CENPU: variants seen among roughly 807,000 people sequenced by gnomAD.
CENPU encodes KSHV latent nuclear antigen interacting protein 1.
CENPU carries 46 observed loss-of-function variants against 56.7 expected under a neutral mutation model. The observed-to-expected ratio is 0.81, with a 90% CI of 0.64 to 1.04. The LOEUF is 1.04. Among genes scored for constraint, CENPU ranks in the 50% least tolerant of loss-of-function variants. The pLI is 0.00. For synonymous variants in CENPU, 166 were observed against 163.0 expected, an observed-to-expected ratio of 1.02 and a Z score of -0.14; for missense variants, 510 against 490.1, an observed-to-expected ratio of 1.04 and a Z score of -0.38.
At chr4:184,725,704 G>A (rs1412795333) in intron 3 of CENPU, among the ~76,000 whole-genome samples, 1 of 152,164 alleles carries the variant, frequency 6.6e-6, no homozygotes, top group African/African-American at 2.4e-5. Context: ...TGAATGAAAA[G>A]CCCTTTGGGG....
rs147850756 is a variant in CENPU at position 184,717,248 on chromosome 4, CAT to C, written c.321-54_321-53del. On this transcript the variant is annotated intron_variant, in intron 4 of 12. Coordinates refer to ENST00000281453, the MANE Select transcript of CENPU (RefSeq NM_024629.4). ...CTTGTACACATTCCATTTATATTCA[CAT>C]GTCTTCTCTAACTTGCTCATTCAAC... 2,418 of 1,310,930 alleles carry C rather than the reference CAT, an allele frequency of 1.8e-3. 25 individuals carry two copies. The African/African-American group carries it at 0.028, about 15-fold the overall frequency. The allele number at this position is 1,310,930 out of a possible 1,614,324, so 81.2% of individuals were successfully genotyped here.
chr4:184,711,159 A>G (rs1316932513), intron 7 of CENPU, among the ~76,000 whole-genome samples: 6 of 151,964 alleles, frequency 3.9e-5, no homozygotes, highest in East Asian at 3.9e-4. Flanking sequence ...CCGGCCCCCA[A>G]TTTTCTGTAT....
intron 11 of CENPU, among the ~76,000 whole-genome samples, chr4:184,700,482 G>A (rs1039809611): frequency 3.3e-5 from 5 of 152,164 alleles, no homozygotes; most frequent in African/African-American, 9.6e-5. Flanking sequence ...TCAATGTTGC[G>A]CAGCCAGTAA....
intron 7 of CENPU, among the ~76,000 whole-genome samples, chr4:184,710,820 GT>G (rs1760896518): frequency 1.3e-5 from 2 of 152,128 alleles, no homozygotes; most frequent in Non-Finnish European, 2.9e-5. Context: ...TCTGTAAGGT[GT>G]TATCAATTTG....
At chr4:184,727,066 A>G (rs1424933040) in intron 3 of CENPU, among the ~76,000 whole-genome samples, 5 of 146,876 alleles carry the variant, frequency 3.4e-5, no homozygotes, top group African/African-American at 1.0e-4. Context: ...CAGTGAGCCG[A>G]GATCGCGCCA....
chr4:184,701,103 G>A (rs1760519690), intron 10 of CENPU, among the ~76,000 whole-genome samples: 1 of 152,112 alleles, frequency 6.6e-6, no homozygotes, highest in Non-Finnish European at 1.5e-5. Context: ...AGAAAAGCAG[G>A]GGTATCTACT....
chr4:184,702,193 G>A, intron 9 of CENPU, 57 bp from the exon 10 acceptor site: 1 of 1,366,804 alleles, frequency 7.3e-7, no homozygotes, highest in Non-Finnish European at 1.0e-6. Flanking sequence ...ATGTTAATTA[G>A]TTTCACATGT....
intron 6 of CENPU, among the ~76,000 whole-genome samples, chr4:184,716,123 T>C (rs1416082587): frequency 6.6e-6 from 1 of 151,984 alleles, no homozygotes; most frequent in Non-Finnish European, 1.5e-5. Context: ...TTAGTAGAAA[T>C]GGGTTTTCGC....
intron 4 of CENPU, among the ~76,000 whole-genome samples, chr4:184,721,309 G>C (rs1228284679): frequency 6.6e-6 from 1 of 151,580 alleles, no homozygotes; most frequent in Non-Finnish European, 1.5e-5. Context: ...TTTACTAAAA[G>C]GAAGACAGGA....
At chr4:184,705,703 A>C (rs1760704003) in intron 8 of CENPU, among the ~76,000 whole-genome samples, 1 of 152,228 alleles carries the variant, frequency 6.6e-6, no homozygotes, top group African/African-American at 2.4e-5. Flanking sequence ...GAAGCAACCC[A>C]AGTGTCAACT....
intron 4 of CENPU, among the ~76,000 whole-genome samples, chr4:184,718,394 T>C (rs1485504831): frequency 6.6e-6 from 1 of 152,196 alleles, no homozygotes; most frequent in Non-Finnish European, 1.5e-5. Flanking sequence ...ACCCCTTCCA[T>C]TCCTAACTGC....
At chr4:184,719,375 G>GAATTC (rs1378340513) in intron 4 of CENPU, among the ~76,000 whole-genome samples, 1 of 152,210 alleles carries the variant, frequency 6.6e-6, no homozygotes, top group East Asian at 1.9e-4. Flanking sequence ...GCTTTGCTTT[G>GAATTC]AATTCAGTGC....
chr4:184,707,272 C>T (rs1050833372), intron 8 of CENPU, among the ~76,000 whole-genome samples: 5 of 150,920 alleles, frequency 3.3e-5, no homozygotes, highest in East Asian at 3.9e-4. Context: ...TAAGGAGTGG[C>T]GCTGTGGCCA....
intron 8 of CENPU, among the ~76,000 whole-genome samples, chr4:184,702,893 G>T (rs4371656): frequency 0.18 from 27,105 of 152,104 alleles, 2,720 homozygotes; most frequent in African/African-American, 0.26. Context: ...TTGCTGCAAA[G>T]GACATGATTT....
Position 184,710,262 on chromosome 4 carries a change from T to C in CENPU, c.689-82A>G, listed in dbSNP as rs920822087. ...GGGTTCTGAAAGCCTGACACAAAAA[T>C]AGTCTCACCAAATTGTAAAAGATAG... is the stretch of plus-strand genomic sequence containing the variant. On this transcript the variant is annotated intron_variant, in intron 7 of 12. Coordinates refer to ENST00000281453, the MANE Select transcript of CENPU (RefSeq NM_024629.4). 2.3e-5 allele frequency: 18 copies of C among 785,370 alleles called. No individual in the cohort carries two copies. The Admixed American group carries it at 3.5e-4, about 15-fold the overall frequency. 48.7% of individuals were successfully genotyped at this position (785,370 alleles called of 1,614,324 possible).
intron 3 of CENPU, among the ~76,000 whole-genome samples, chr4:184,725,369 G>A (rs913743626): frequency 5.3e-5 from 8 of 152,174 alleles, no homozygotes; most frequent in Admixed American, 1.3e-4. Flanking sequence ...GCAGTAGTGC[G>A]ATCTCAGCTC....
intron 12 of CENPU, among the ~76,000 whole-genome samples, chr4:184,696,750 T>TAA (rs1327925105): frequency 6.6e-6 from 1 of 151,740 alleles, no homozygotes; most frequent in East Asian, 1.9e-4. Flanking sequence ...TCCTAGAACT[T>TAA]AAACATTTCT....
chr4:184,709,809 G>T (rs1242689072), intron 8 of CENPU, among the ~76,000 whole-genome samples: 1 of 150,148 alleles, frequency 6.7e-6, no homozygotes, highest in Non-Finnish European at 1.5e-5. Context: ...AAAAAAAAAG[G>T]TATCACTGGA....
intron 6 of CENPU, among the ~76,000 whole-genome samples, chr4:184,713,590 G>A (rs1326092270): frequency 1.3e-5 from 2 of 152,160 alleles, no homozygotes; most frequent in Admixed American, 6.5e-5. Flanking sequence ...ATAACAACAT[G>A]TGGAATCAGC....
Sources: allele counts gnomAD v4.1 joint callset (sites outside exome capture counted in the v4.1 genomes callset), GRCh38; gene constraint gnomAD v4.1.1; transcripts MANE v1.5; gene names NCBI Gene and HGNC (gene_info 2026-07-23, HGNC 2026-07-21).